C5: variants seen among roughly 807,000 people sequenced by gnomAD.
The protein encoded by C5 is C3 and PZP-like alpha-2-macroglobulin domain-containing protein 4.
In C5, 140 loss-of-function variants were observed where a neutral mutation model predicts 218.8. The ratio of observed to expected loss-of-function variants is 0.64; its 90% CI spans 0.56 to 0.74. The LOEUF is 0.74. Among genes scored for constraint, C5 ranks in the 30% least tolerant of loss-of-function variants. The probability of loss-of-function intolerance (pLI) is 0.00; values close to 1 mark genes in which losing one functional copy is unlikely to be tolerated. For missense variants in C5, 1,700 were observed against 1,969.6 expected, an observed-to-expected ratio of 0.86 and a Z score of 2.59; for synonymous variants, 614 against 682.3, an observed-to-expected ratio of 0.90 and a Z score of 1.56.
intron 13 of C5, 61 bp from the exon 14 acceptor site, chr9:121,017,572 A>G: frequency 1.2e-6 from 2 of 1,605,208 alleles, no homozygotes; most frequent in Non-Finnish European, 1.7e-6. Context: ...ACTTTTCAGA[A>G]GCAGCTAAAA....
chr9:121,003,132 A>T (rs138866180), intron 20 of C5, among the ~76,000 whole-genome samples: 20 of 152,254 alleles, frequency 1.3e-4, no homozygotes, highest in African/African-American at 4.8e-4. Context: ...CTCTACTAAA[A>T]ATGCAAAAAT....
chr9:120,990,879 G>A (rs2047072128), intron 23 of C5, among the ~76,000 whole-genome samples: 1 of 152,332 alleles, frequency 6.6e-6, no homozygotes, highest in Admixed American at 6.5e-5. Context: ...TGGCCACTAA[G>A]ACCATGGAAA....
chr9:121,037,731 T>A, intron 4 of C5, 150 bp downstream of exon 4: 1 of 476,288 alleles, frequency 2.1e-6, no homozygotes. Context: ...TACAGAGGTA[T>A]AGATCTATGA....
Position 121,017,385 on chromosome 9 carries a change from C to G in C5, c.1843G>C (p.Gly615Arg). 6.2e-7 allele frequency: 1 copy of G among 1,613,880 alleles called. No individual in the cohort carries two copies. Among genetic ancestry groups the G allele is most frequent in the Non-Finnish European group, 8.5e-7 (1 of 1,179,940 alleles). The change falls in exon 14 of 41, where the codon GGA becomes CGA. Residue 615 changes from glycine (G) to arginine (R), a missense_variant. Physicochemically the swap from Gly to Arg is moderately radical, Grantham distance 125. Coordinates refer to ENST00000223642, the MANE Select transcript of C5 (RefSeq NM_001735.3). ...ACTCTTTCCAAGGGCTTTTTGGCTC[C>G]TCTTTGGACTCCATACACAGCACTG... ...VDSAVYGVQR[G>R]AKKPLERVFQ...
chr9:120,987,433 C>T (rs1322448529), intron 25 of C5, among the ~76,000 whole-genome samples: 1 of 151,444 alleles, frequency 6.6e-6, no homozygotes, highest in Non-Finnish European at 1.5e-5. Context: ...TCACGAGGTC[C>T]GGAGATCGAG....
At chr9:120,995,046 A>C (rs1242097716) in intron 22 of C5, among the ~76,000 whole-genome samples, 1 of 152,226 alleles carries the variant, frequency 6.6e-6, no homozygotes, top group Non-Finnish European at 1.5e-5. Context: ...CACAATGAGC[A>C]GGCAAGGAGG....
intron 25 of C5, among the ~76,000 whole-genome samples, chr9:120,983,266 C>T (rs1338411514): frequency 1.3e-5 from 2 of 152,300 alleles, no homozygotes; most frequent in African/African-American, 2.4e-5. Context: ...GTGTTTATCT[C>T]ACTTGTCCTT....
Position 121,002,280 on chromosome 9 carries a change from ACG to A in C5, c.2562+3637_2562+3638del, listed in dbSNP as rs1430848983. 1.3e-3 allele frequency among the ~76,000 whole-genome samples: 150 copies of A among 116,204 alleles called. 6 individuals carry two copies. Among genetic ancestry groups the A allele is most frequent in the Middle Eastern group, 4.2e-3 (1 of 240 alleles). 76.2% of individuals were successfully genotyped at this position (116,204 alleles called of 152,430 possible). A position where few individuals can be genotyped will look rare whatever the true frequency, so the allele number is the denominator to read the frequency against. On this transcript the variant is annotated intron_variant, in intron 20 of 40. Transcript: ENST00000223642. ...TATATATGTATATATATGTATATAT[ACG>A]TATATATGTATATATGTATATATAT...
intron 5 of C5, 136 bp downstream of exon 5, chr9:121,034,667 G>T: frequency 1.6e-6 from 1 of 615,558 alleles, no homozygotes; most frequent in Non-Finnish European, 2.9e-6. Context: ...TTAAGTTCTT[G>T]CTAGAACTTC....
At chr9:121,002,236 A>G (rs28552634) in intron 20 of C5, among the ~76,000 whole-genome samples, 1 of 55,038 alleles carries the variant, frequency 1.8e-5, no homozygotes, top group Admixed American at 2.7e-4. Flanking sequence ...ATATGTATAT[A>G]TGTATATGTA....
intron 20 of C5, among the ~76,000 whole-genome samples, chr9:121,001,197 A>G (rs1183077325): frequency 6.6e-6 from 1 of 152,234 alleles, no homozygotes; most frequent in Non-Finnish European, 1.5e-5. Context: ...CTATATTTAC[A>G]TGAATTAGCT....
intron 23 of C5, among the ~76,000 whole-genome samples, chr9:120,990,849 G>T (rs2131713163): frequency 1.3e-5 from 2 of 152,340 alleles, no homozygotes; most frequent in African/African-American, 4.8e-5. Context: ...GCAGGCCATA[G>T]GCCTTCTCTG....
At position 121,005,996 on chromosome 9, in the gene C5, T is replaced by C; in HGVS notation, c.2485A>G (p.Ile829Val). Reference sequence around the variant, plus strand: ...TCTCCTCGTACAACAGAATATGGTATATTCATTTCCAGGAAGACATCTTTG... The same window carrying C: ...TCTCCTCGTACAACAGAATATGGTACATTCATTTCCAGGAAGACATCTTTG... ...VFKDVFLEMNIPYSVVRGEQI... is the reference protein window; with the variant it reads ...VFKDVFLEMNVPYSVVRGEQI... Residue 829 changes from isoleucine to valine, a missense_variant, in exon 20 of 41, where the codon ATA (isoleucine) becomes GTA (valine). By Grantham distance (29) the Ile-to-Val change is conservative. Transcript: ENST00000223642. The C allele has an allele frequency of 1.2e-6, 2 of 1,613,700 alleles. No individual in the cohort carries two copies. Among genetic ancestry groups the C allele is most frequent in the Admixed American group, 1.7e-5 (1 of 60,024 alleles).
chr9:120,978,815 T>C (rs1030002744), intron 28 of C5, among the ~76,000 whole-genome samples: 1 of 152,198 alleles, frequency 6.6e-6, no homozygotes, highest in Non-Finnish European at 1.5e-5. Flanking sequence ...TGCACTCCTT[T>C]GCTCAAAATC....
intron 20 of C5, among the ~76,000 whole-genome samples, chr9:121,004,983 TA>T (rs41309886): frequency 6.7e-6 from 1 of 150,138 alleles, no homozygotes. Flanking sequence ...GACTCCGTCT[TA>T]AAAAAAAAAG....
At chr9:121,002,286 ATATG>A (rs1564146637) in intron 20 of C5, among the ~76,000 whole-genome samples, 8 of 115,918 alleles carry the variant, frequency 6.9e-5, no homozygotes, top group South Asian at 3.4e-4. Context: ...ATATACGTAT[ATATG>A]TATATATGTA....
In C5 at chr9:120,980,258, G is replaced by C. The variant is rs1318076949; in HGVS notation, c.3487-4C>G. 6.2e-7 allele frequency: 1 copy of C among 1,613,738 alleles called. No individual in the cohort carries two copies. Among genetic ancestry groups the C allele is most frequent in the Non-Finnish European group, 8.5e-7 (1 of 1,179,712 alleles). On this transcript the variant is annotated splice_polypyrimidine_tract_variant and splice_region_variant and intron_variant, in intron 27 of 40. Coordinates refer to ENST00000223642, the MANE Select transcript of C5 (RefSeq NM_001735.3). ...TAATTAGAGCTGTGTCGATTTTCTG[G>C]AAACAAGAGAAGATACTTCAGTTTC...
At chr9:121,068,097 A>G in the C5 span, among the ~76,000 whole-genome samples, 1 of 152,220 alleles carries the variant, frequency 6.6e-6, no homozygotes, top group Non-Finnish European at 1.5e-5. Context: ...CAAACTTACC[A>G]CTTCTAATCA....
chr9:120,996,999 G>A (rs1294811132), intron 21 of C5, among the ~76,000 whole-genome samples: 1 of 151,732 alleles, frequency 6.6e-6, no homozygotes, highest in Admixed American at 6.6e-5. Context: ...ACAGACTGTG[G>A]GTAAATTGTA....
Sources: gnomAD v4.1 joint callset for allele counts (sites outside exome capture counted in the v4.1 genomes callset) on GRCh38, gnomAD v4.1.1 for gene constraint, MANE v1.5 for transcripts, NCBI Gene and HGNC (gene_info 2026-07-23, HGNC 2026-07-21) for gene names.